The following CEP85L variants were observed in gnomAD, a reference collection of about 807,000 sequenced individuals.
CEP85L encodes centrosomal protein of 85 kDa-like.
A neutral mutation model predicts 100.3 loss-of-function variants in CEP85L; 60 were observed. That is an observed-to-expected ratio of 0.60 (90% confidence interval 0.49 to 0.74). CEP85L has a LOEUF of 0.74. Among genes scored for constraint, CEP85L ranks in the 30% least tolerant of loss-of-function variants. The pLI is 0.00. For missense variants in CEP85L, 973 were observed against 936.2 expected (o/e 1.04, Z -0.51); for synonymous variants, 319 against 322.7 (o/e 0.99, Z 0.12).
At chr6:118,483,940 C>A in intron 6 of CEP85L, 82 bp from the exon 7 acceptor site, 1 of 1,241,808 alleles carries the variant, frequency 8.1e-7, no homozygotes, top group Non-Finnish European at 1.1e-6. Context: ...TATTAGACAC[C>A]ATTGAATTCA....
upstream of CEP85L, among the ~76,000 whole-genome samples, chr6:118,653,192 A>G (rs1332883233): frequency 2.6e-5 from 4 of 152,226 alleles, no homozygotes; most frequent in Non-Finnish European, 5.9e-5. Flanking sequence ...TATAAAGGGC[A>G]TGCTACTACA....
rs562164626 is a variant in CEP85L, at chr6:118,472,761, T to A, written c.1915-2117A>T. Among the ~76,000 whole-genome samples, 12 of 152,298 alleles carry A rather than the reference T, an allele frequency of 7.9e-5. No individual in the cohort carries two copies. The South Asian group carries it at 2.5e-3, about 32-fold the overall frequency. The stretch of plus-strand genomic sequence containing the variant: ...AACTATTTATCATTCACTAGACATG[T>A]AGGGGATTAATAAAATTAAAAATTA... On this transcript the variant is annotated intron_variant, in intron 10 of 12. Coordinates refer to ENST00000368491, the MANE Select transcript of CEP85L (RefSeq NM_001042475.3).
At chr6:118,687,070 G>T (rs1423641632) in intron 1 of CEP85L, among the ~76,000 whole-genome samples, 1 of 151,886 alleles carries the variant, frequency 6.6e-6, no homozygotes, top group Non-Finnish European at 1.5e-5. Context: ...CTGACCTCAG[G>T]GCTCATACAT....
intron 6 of CEP85L, among the ~76,000 whole-genome samples, chr6:118,490,276 T>C (rs1034975906): frequency 1.3e-5 from 2 of 152,212 alleles, no homozygotes; most frequent in African/African-American, 2.4e-5. Context: ...CTGTACAATA[T>C]GCCTATAGTT....
At chr6:118,555,660 C>T (rs985340299) in intron 3 of CEP85L, among the ~76,000 whole-genome samples, 20 of 152,030 alleles carry the variant, frequency 1.3e-4, no homozygotes, top group Non-Finnish European at 2.2e-4. Context: ...TTATTTTTAA[C>T]TTTTGTTTTA....
chr6:118,669,272 T>C (rs769854566), intron 1 of CEP85L, among the ~76,000 whole-genome samples: 11 of 152,218 alleles, frequency 7.2e-5, no homozygotes, highest in Non-Finnish European at 1.3e-4. Flanking sequence ...TTTCAGTTGC[T>C]TACCAACTCA....
upstream of CEP85L, among the ~76,000 whole-genome samples, chr6:118,655,840 A>G (rs548289393): frequency 1.3e-5 from 2 of 152,312 alleles, no homozygotes; most frequent in South Asian, 2.1e-4. Flanking sequence ...CCAGTTACCT[A>G]TTTTATGTTG....
intron 1 of CEP85L, among the ~76,000 whole-genome samples, chr6:118,702,128 T>C (rs942334475): frequency 6.6e-6 from 1 of 152,146 alleles, no homozygotes; most frequent in Non-Finnish European, 1.5e-5. Flanking sequence ...TACTTTATGG[T>C]GGAAATTCTA....
chr6:118,465,233 T>A lies in CEP85L; in HGVS notation c.*172A>T. On this transcript the variant is annotated 3_prime_UTR_variant, in exon 13 of 13. Transcript: ENST00000368491. ...TTTGATTTTTTTTCTTTTTGCCTGA[T>A]TAGATAAGCCCCTTCAAAATCTCTT... 1 of 504,880 alleles carries A rather than the reference T, an allele frequency of 2.0e-6. No individual in the cohort carries two copies. 31.3% of individuals were successfully genotyped at this position (504,880 alleles called of 1,614,324 possible). A position where few individuals can be genotyped will look rare whatever the true frequency, so the allele number is the denominator to read the frequency against.
At chr6:118,688,948 C>T (rs962189629) in intron 1 of CEP85L, among the ~76,000 whole-genome samples, 1 of 150,376 alleles carries the variant, frequency 6.6e-6, no homozygotes, top group African/African-American at 2.5e-5. Flanking sequence ...CATCAGCCAA[C>T]ATGGGAACCA....
Position 118,633,266 on chromosome 6 carries a change from G to A in CEP85L, c.74-655C>T, listed in dbSNP as rs186438318. 1.0e-4 allele frequency among the ~76,000 whole-genome samples: 15 copies of A among 150,140 alleles called. No homozygotes were observed. In the East Asian group the frequency reaches 2.5e-3, roughly 25 times the overall value. ...CCCAGGCTGGGTGGAGTGCAGTGGC[G>A]CGATCTCTGCTCACTGTAAGCGCTG... On this transcript the variant is annotated intron_variant, in intron 1 of 12. Coordinates refer to ENST00000368491, the MANE Select transcript of CEP85L (RefSeq NM_001042475.3).
intron 2 of CEP85L, among the ~76,000 whole-genome samples, chr6:118,616,029 G>A (rs1431128650): frequency 6.6e-6 from 1 of 151,996 alleles, no homozygotes; most frequent in Non-Finnish European, 1.5e-5. Flanking sequence ...ACTGAGTCTA[G>A]GAGAAGCCTT....
At chr6:118,630,461 C>T in intron 2 of CEP85L, among the ~76,000 whole-genome samples, 1 of 152,146 alleles carries the variant, frequency 6.6e-6, no homozygotes, top group South Asian at 2.1e-4. Flanking sequence ...TGAAAGCTGA[C>T]ATCCACACAA....
intron 3 of CEP85L, among the ~76,000 whole-genome samples, chr6:118,561,281 T>C (rs148118390): frequency 6.6e-6 from 1 of 152,326 alleles, no homozygotes; most frequent in Admixed American, 6.5e-5. Flanking sequence ...ATCCCTAGTC[T>C]TAAAAACAAG....
At chr6:118,656,201 G>A (rs1043590430), upstream of CEP85L, among the ~76,000 whole-genome samples, 4 of 152,180 alleles carry the variant, frequency 2.6e-5, no homozygotes, top group Non-Finnish European at 4.4e-5. Context: ...ACAGGGTTTT[G>A]CAGTGTGGGC....
chr6:118,543,983 T>G (rs543593331), intron 3 of CEP85L, among the ~76,000 whole-genome samples: 6 of 152,312 alleles, frequency 3.9e-5, no homozygotes, highest in Non-Finnish European at 5.9e-5. Context: ...AATCTGCATT[T>G]GGTTTCTAAG....
chr6:118,512,922 G>GA lies in CEP85L; in HGVS notation c.1140-1508dup, dbSNP rs1464818640. 2.6e-5 allele frequency among the ~76,000 whole-genome samples: 4 copies of GA among 152,134 alleles called. No individual in the cohort carries two copies. In the East Asian group the frequency reaches 7.7e-4, roughly 29 times the overall value. On this transcript the variant is annotated intron_variant, in intron 4 of 12. Transcript: ENST00000368491. Reference sequence around the variant, plus strand: ...TAATAATAAGAAAATCCAATCAACTGAAAGTGAGCTAGAACTGACAGAGAT... The same window carrying GA: ...TAATAATAAGAAAATCCAATCAACTGAAAAGTGAGCTAGAACTGACAGAGAT...
intron 2 of CEP85L, among the ~76,000 whole-genome samples, chr6:118,626,841 T>C (rs1035974411): frequency 1.3e-5 from 2 of 152,150 alleles, no homozygotes; most frequent in Admixed American, 6.5e-5. Flanking sequence ...CAAGAAAATA[T>C]TTGCAAACAA....
chr6:118,651,821 G>A (rs548691923), upstream of CEP85L: 29 of 985,290 alleles, frequency 2.9e-5, no homozygotes, highest in African/African-American at 5.1e-4. Flanking sequence ...CCTGCGAGTT[G>A]AGTAGAGGGC....
Sources: allele counts gnomAD v4.1 joint callset (sites outside exome capture counted in the v4.1 genomes callset), GRCh38; gene constraint gnomAD v4.1.1; transcripts MANE v1.5; gene names NCBI Gene and HGNC (gene_info 2026-07-23, HGNC 2026-07-21).